Variants in DYNC1I1 observed in about 807,000 individuals in gnomAD.
DYNC1I1 encodes the protein cytoplasmic dynein 1 intermediate chain 1.
A neutral mutation model predicts 86.6 loss-of-function variants in DYNC1I1; 43 were observed. The ratio of observed to expected loss-of-function variants is 0.50; its 90% CI spans 0.39 to 0.64. DYNC1I1 has a LOEUF of 0.64. Among genes scored for constraint, DYNC1I1 ranks in the 30% least tolerant of loss-of-function variants. DYNC1I1 has a pLI of 0.00. For synonymous variants in DYNC1I1, 262 were observed against 283.7 expected (o/e 0.92, Z 0.77); for missense variants, 604 against 788.8 (o/e 0.77, Z 2.81).
At chr7:96,097,123 G>A (rs922750537) in intron 16 of DYNC1I1, among the ~76,000 whole-genome samples, 2 of 152,034 alleles carry the variant, frequency 1.3e-5, no homozygotes, top group Non-Finnish European at 2.9e-5. Context: ...GAAAATCTTG[G>A]TCATTATATG....
intron 6 of DYNC1I1, among the ~76,000 whole-genome samples, chr7:95,954,915 C>CAAAAAAAAAAAAAAAA (rs58435060): frequency 5.7e-4 from 47 of 81,846 alleles, no homozygotes; most frequent in South Asian, 2.6e-3. Context: ...GACTCTGTCT[C>CAAAAAAAAAAAAAAAA]AAAAAAAAAA....
chr7:96,080,528 TG>T (rs1311179326), intron 16 of DYNC1I1, 40 bp downstream of exon 16: 4 of 1,614,098 alleles, frequency 2.5e-6, no homozygotes, highest in Non-Finnish European at 3.4e-6. Flanking sequence ...TTTTGACTTG[TG>T]TATCTACTTT....
intron 5 of DYNC1I1, among the ~76,000 whole-genome samples, chr7:95,860,138 C>G (rs1021354688): frequency 2.6e-5 from 4 of 152,158 alleles, no homozygotes; most frequent in African/African-American, 9.6e-5. Context: ...GAGTCATATT[C>G]TGCCATTTTG....
intron 6 of DYNC1I1, among the ~76,000 whole-genome samples, chr7:95,876,170 A>G (rs1300734110): frequency 6.6e-6 from 1 of 151,364 alleles, no homozygotes. Flanking sequence ...TCCTCCTCTT[A>G]GTTTAACACT....
chr7:96,010,078 G>C (rs995459030), intron 10 of DYNC1I1, among the ~76,000 whole-genome samples: 1 of 152,064 alleles, frequency 6.6e-6, no homozygotes, highest in African/African-American at 2.4e-5. Flanking sequence ...GATATTTATT[G>C]AACCTAGCAC....
downstream of DYNC1I1, among the ~76,000 whole-genome samples, chr7:96,102,678 A>T (rs1169982971): frequency 6.6e-6 from 1 of 152,190 alleles, no homozygotes; most frequent in Non-Finnish European, 1.5e-5. Flanking sequence ...TAGTGCTAAG[A>T]GCTCTGCTGT....
chr7:96,093,453 C>A (rs2116321721), intron 16 of DYNC1I1, among the ~76,000 whole-genome samples: 1 of 152,268 alleles, frequency 6.6e-6, no homozygotes, highest in African/African-American at 2.4e-5. Context: ...CCCTTAGTTT[C>A]ATTGGCTGTA....
chr7:95,934,265 T>C (rs1306571360), intron 6 of DYNC1I1, among the ~76,000 whole-genome samples: 2 of 152,150 alleles, frequency 1.3e-5, no homozygotes, highest in Non-Finnish European at 2.9e-5. Flanking sequence ...GGAGTTCCTC[T>C]AGGGTATACC....
chr7:95,863,343 C>T (rs1351349688), intron 5 of DYNC1I1, among the ~76,000 whole-genome samples: 1 of 151,882 alleles, frequency 6.6e-6, no homozygotes, highest in Non-Finnish European at 1.5e-5. Context: ...AAGGGCTAGG[C>T]GAGGCGGGAA....
intron 2 of DYNC1I1, among the ~76,000 whole-genome samples, chr7:95,806,786 T>A (rs1255688462): frequency 1.3e-5 from 2 of 152,064 alleles, no homozygotes; most frequent in African/African-American, 4.8e-5. Context: ...CACACCCATC[T>A]CCCCTCAAAG....
chr7:96,013,798 G>A (rs1175573079), intron 10 of DYNC1I1, among the ~76,000 whole-genome samples: 2 of 152,130 alleles, frequency 1.3e-5, no homozygotes, highest in East Asian at 1.9e-4. Flanking sequence ...TTAGGAACTG[G>A]CTGAGGCACA....
intron 9 of DYNC1I1, 97 bp from the exon 10 acceptor site, chr7:95,995,851 T>C: frequency 6.8e-7 from 1 of 1,473,734 alleles, no homozygotes; most frequent in Non-Finnish European, 9.1e-7. Context: ...AAAGCACCAT[T>C]TACACTGTGT....
At chr7:95,973,840 A>G (rs909951213) in intron 6 of DYNC1I1, among the ~76,000 whole-genome samples, 2 of 152,236 alleles carry the variant, frequency 1.3e-5, no homozygotes, top group African/African-American at 4.8e-5. Context: ...CATTTGGTAA[A>G]ACTACTTTCA....
intron 14 of DYNC1I1, among the ~76,000 whole-genome samples, chr7:96,063,079 G>GTGTT (rs1434808523): frequency 6.7e-6 from 1 of 150,240 alleles, no homozygotes; most frequent in Non-Finnish European, 1.5e-5. Context: ...GGGAATATAT[G>GTGTT]TGTATGTGTG....
intron 1 of DYNC1I1, chr7:95,804,466 T>G: frequency 4.1e-6 from 4 of 982,778 alleles, no homozygotes; most frequent in Non-Finnish European, 5.5e-6. Flanking sequence ...CGATTCTTGC[T>G]TAGGCCACAT....
At position 95,984,829 on chromosome 7, in the gene DYNC1I1, T is replaced by G; in HGVS notation, c.595T>G (p.Leu199Val). 1 of 1,607,848 alleles carries G rather than the reference T, an allele frequency of 6.2e-7. No homozygotes were observed. Among genetic ancestry groups the G allele is most frequent in the Non-Finnish European group, 8.5e-7 (1 of 1,178,084 alleles). ...AATAAATAAAGCCCCTCCAAGAGAG[T>G]TGACAGAGGAAGAAAAACAGCAGAT... The part of the protein sequence containing the change: ...QEVKEAPPRE[L>V]TEEEKQQILH... The change falls in exon 8 of 17, where the codon TTG (leucine) becomes GTG (valine). Residue 199 changes from leucine (L) to valine (V), a missense_variant. Leu to Val is a conservative substitution (Grantham distance 32). Coordinates refer to ENST00000447467, the MANE Select transcript of DYNC1I1 (RefSeq NM_001135556.2).
chr7:95,957,686 G>T (rs1408222115), intron 6 of DYNC1I1, among the ~76,000 whole-genome samples: 2 of 152,174 alleles, frequency 1.3e-5, no homozygotes, highest in Non-Finnish European at 2.9e-5. Flanking sequence ...TGAAGCCTTT[G>T]TTGGGAGGAG....
intron 4 of DYNC1I1, among the ~76,000 whole-genome samples, chr7:95,821,868 T>A (rs1795083841): frequency 6.6e-6 from 1 of 152,240 alleles, no homozygotes; most frequent in South Asian, 2.1e-4. Flanking sequence ...TTAGCCACAT[T>A]GAGTGTTAGC....
chr7:95,860,650 G>A (rs905402706), intron 5 of DYNC1I1, among the ~76,000 whole-genome samples: 6 of 152,074 alleles, frequency 3.9e-5, no homozygotes, highest in Non-Finnish European at 7.3e-5. Flanking sequence ...AATATCACAG[G>A]CTGGGTAATT....
Sources: allele counts gnomAD v4.1 joint callset (sites outside exome capture counted in the v4.1 genomes callset), GRCh38; gene constraint gnomAD v4.1.1; transcripts MANE v1.5; gene names NCBI Gene and HGNC (gene_info 2026-07-23, HGNC 2026-07-21).